LPAR1: variants seen among roughly 807,000 people sequenced by gnomAD.
The protein encoded by LPAR1 is LPA receptor 1.
A neutral mutation model predicts 23.8 loss-of-function variants in LPAR1; 5 were observed. The observed-to-expected ratio is 0.21, with a 90% confidence interval of 0.11 to 0.44. The LOEUF (loss-of-function observed/expected upper bound fraction) is 0.44, where lower values mean the gene tolerates loss of function less well. LPAR1 is among the 20% of genes least tolerant of loss of function. The pLI is 0.99. For missense variants in LPAR1, 311 were observed against 482.8 expected (o/e 0.64, Z 3.33); for synonymous variants, 160 against 164.7 (o/e 0.97, Z 0.22).
chr9:110,911,495 C>T (rs936516593), intron 5 of LPAR1, among the ~76,000 whole-genome samples: 3 of 151,930 alleles, frequency 2.0e-5, no homozygotes, highest in African/African-American at 7.3e-5. Context: ...TGCACCAAGA[C>T]TGTGCCACTG....
rs554790645 is a variant in LPAR1, at chr9:110,886,103, C to A, written c.794-10381G>T. Among the ~76,000 whole-genome samples the A allele has an allele frequency of 2.3e-4, 35 of 151,794 alleles. 2 individuals are homozygous for A. In the South Asian group the frequency reaches 7.3e-3, roughly 32 times the overall value. On this transcript the variant is annotated intron_variant, in intron 5 of 5. Coordinates refer to ENST00000683809, the MANE Select transcript of LPAR1 (RefSeq NM_001351411.2). ...ATCTCAGCCACTCCGGAGTCTACGGCAGGAGAATTGCTTGAACCTGAGAGG... is the reference window on the plus strand; with the variant it reads ...ATCTCAGCCACTCCGGAGTCTACGGAAGGAGAATTGCTTGAACCTGAGAGG...
intron 2 of LPAR1, among the ~76,000 whole-genome samples, chr9:110,979,443 A>C (rs1359089621): frequency 6.6e-6 from 1 of 152,158 alleles, no homozygotes; most frequent in African/African-American, 2.4e-5. Flanking sequence ...CTAACTCAAA[A>C]TATTTCCTAA....
chr9:110,940,428 T>C (rs538326047), intron 5 of LPAR1, among the ~76,000 whole-genome samples: 2 of 152,346 alleles, frequency 1.3e-5, no homozygotes, highest in African/African-American at 4.8e-5. Flanking sequence ...CAGAGAATTA[T>C]AGGAACTTTC....
intron 2 of LPAR1, among the ~76,000 whole-genome samples, chr9:111,018,043 A>C (rs551883847): frequency 3.5e-4 from 54 of 152,242 alleles, no homozygotes; most frequent in African/African-American, 1.3e-3. Context: ...AACAAACAAA[A>C]AAAAACTTTT....
At chr9:110,909,295 C>T (rs368805697) in intron 5 of LPAR1, among the ~76,000 whole-genome samples, 8 of 152,278 alleles carry the variant, frequency 5.3e-5, no homozygotes, top group South Asian at 4.1e-4. Flanking sequence ...GACCAAACCC[C>T]GGGTGTTTCA....
intron 2 of LPAR1, among the ~76,000 whole-genome samples, chr9:111,035,727 AG>A (rs35949403): frequency 6.6e-6 from 1 of 152,200 alleles, no homozygotes. Flanking sequence ...ATCAAAGAAA[AG>A]GAAGACAGGC....
At chr9:111,009,705 T>C (rs1340564518) in intron 2 of LPAR1, among the ~76,000 whole-genome samples, 1 of 151,864 alleles carries the variant, frequency 6.6e-6, no homozygotes, top group Non-Finnish European at 1.5e-5. Context: ...CATATATATA[T>C]GTATTTGAGT....
chr9:110,893,580 C>A (rs763729586), intron 5 of LPAR1, among the ~76,000 whole-genome samples: 68 of 152,144 alleles, frequency 4.5e-4, no homozygotes, highest in Non-Finnish European at 7.8e-4. Context: ...CAGTAGTTAC[C>A]TTGAGGAACC....
At chr9:110,893,916 A>T (rs2085385822) in intron 5 of LPAR1, among the ~76,000 whole-genome samples, 1 of 152,234 alleles carries the variant, frequency 6.6e-6, no homozygotes, top group African/African-American at 2.4e-5. Context: ...AAGGACAGAC[A>T]GTAGACTTTG....
At chr9:110,917,104 A>G (rs1384058724) in intron 5 of LPAR1, among the ~76,000 whole-genome samples, 3 of 151,838 alleles carry the variant, frequency 2.0e-5, no homozygotes, top group Admixed American at 6.6e-5. Flanking sequence ...TTGGGAAGCC[A>G]AGGCGGGTGG....
chr9:110,937,999 A>AT (rs1311951357), intron 5 of LPAR1, among the ~76,000 whole-genome samples: 1 of 152,190 alleles, frequency 6.6e-6, no homozygotes, highest in East Asian at 1.9e-4. Flanking sequence ...ATAAAGTGGC[A>AT]TTTACTGTAG....
chr9:110,970,735 G>A (rs1035418741), intron 4 of LPAR1, among the ~76,000 whole-genome samples: 7 of 151,884 alleles, frequency 4.6e-5, no homozygotes, highest in African/African-American at 1.7e-4. Context: ...ATACAAAATT[G>A]AATAGCCTGC....
At chr9:110,922,945 C>G (rs2093741476) in intron 5 of LPAR1, among the ~76,000 whole-genome samples, 1 of 151,444 alleles carries the variant, frequency 6.6e-6, no homozygotes, top group Non-Finnish European at 1.5e-5. Context: ...ACCCATCAAC[C>G]CATCATCCAC....
intron 5 of LPAR1, among the ~76,000 whole-genome samples, chr9:110,908,441 CAG>C (rs1232904689): frequency 3.3e-5 from 5 of 151,678 alleles, no homozygotes; most frequent in South Asian, 2.1e-4. Flanking sequence ...AGTATTAAAA[CAG>C]AAAATTAATA....
At chr9:110,984,634 T>C (rs1315882774) in intron 2 of LPAR1, among the ~76,000 whole-genome samples, 3 of 151,966 alleles carry the variant, frequency 2.0e-5, no homozygotes, top group Admixed American at 6.6e-5. Context: ...TTAAGATATA[T>C]TTCTCCCTGA....
chr9:110,957,079 T>C (rs1408547184), intron 4 of LPAR1, among the ~76,000 whole-genome samples: 1 of 151,796 alleles, frequency 6.6e-6, no homozygotes, highest in Admixed American at 6.6e-5. Flanking sequence ...AAAAAGATAA[T>C]ATACCACGTT....
At chr9:111,012,293 C>T (rs1474987713) in intron 2 of LPAR1, among the ~76,000 whole-genome samples, 1 of 152,066 alleles carries the variant, frequency 6.6e-6, no homozygotes, top group Admixed American at 6.6e-5. Context: ...GTCCTGGATC[C>T]TTCCCAAATT....
At chr9:111,022,375 A>C (rs1228286696) in intron 2 of LPAR1, among the ~76,000 whole-genome samples, 1 of 152,204 alleles carries the variant, frequency 6.6e-6, no homozygotes, top group Admixed American at 6.5e-5. Flanking sequence ...CAATTGAATC[A>C]TGGTCTCCCA....
chr9:110,989,227 A>G (rs1324824474), intron 2 of LPAR1, among the ~76,000 whole-genome samples: 6 of 152,168 alleles, frequency 3.9e-5, no homozygotes, highest in Admixed American at 2.0e-4. Flanking sequence ...TTATCTATCT[A>G]TCTATCTGGA....
Sources: allele counts gnomAD v4.1 joint callset (sites outside exome capture counted in the v4.1 genomes callset), GRCh38; gene constraint gnomAD v4.1.1; transcripts MANE v1.5; gene names NCBI Gene and HGNC (gene_info 2026-07-23, HGNC 2026-07-21).